The following TMC1 variants were observed in gnomAD, a reference collection of about 807,000 sequenced individuals.
The protein encoded by TMC1 is transmembrane channel like 1.
TMC1 carries 84 observed loss-of-function variants against 105.8 expected under a neutral mutation model. The observed-to-expected ratio is 0.79, with a 90% CI of 0.67 to 0.95. The LOEUF is 0.95. Ranked by LOEUF, TMC1 falls within the 40% of genes least tolerant of loss-of-function variation. The pLI is 0.00. For missense variants in TMC1, 817 were observed against 914.1 expected (o/e 0.89, Z 1.37); for synonymous variants, 315 against 311.5 (o/e 1.01, Z -0.12).
In TMC1 at chr9:72,836,486, T is replaced by C. The variant is rs1829128206; in HGVS notation, c.*513T>C. ...CAATACCTTATTTTCTCTTTTTTTC[T>C]ACCTGTCTCCCCAACCACGCGCCCC... is the stretch of plus-strand genomic sequence containing the variant. On this transcript the variant is annotated 3_prime_UTR_variant, in exon 24 of 24. Transcript: ENST00000297784. The C allele has an allele frequency of 6.3e-6, 1 of 159,974 alleles. No individual in the cohort carries two copies. Among genetic ancestry groups the C allele is most frequent in the African/African-American group, 2.4e-5 (1 of 41,438 alleles). 9.9% of individuals were successfully genotyped at this position (159,974 alleles called of 1,614,324 possible).
At chr9:72,657,069 G>A (rs896367977) in intron 5 of TMC1, among the ~76,000 whole-genome samples, 1 of 152,146 alleles carries the variant, frequency 6.6e-6, no homozygotes, top group African/African-American at 2.4e-5. Flanking sequence ...GCACATAGCG[G>A]TATTCAGCCA....
intron 12 of TMC1, among the ~76,000 whole-genome samples, chr9:72,771,903 T>G (rs1165963309): frequency 6.6e-6 from 1 of 152,166 alleles, no homozygotes; most frequent in Non-Finnish European, 1.5e-5. Flanking sequence ...AGTGTGCAGA[T>G]GAGTTCCAAT....
intron 2 of TMC1, among the ~76,000 whole-genome samples, chr9:72,602,202 A>G (rs1186032321): frequency 6.6e-6 from 1 of 152,004 alleles, no homozygotes; most frequent in Non-Finnish European, 1.5e-5. Context: ...CCTCATGGCA[A>G]TGCTAGGACA....
At chr9:72,633,777 G>A (rs1423294663) in intron 4 of TMC1, among the ~76,000 whole-genome samples, 1 of 152,078 alleles carries the variant, frequency 6.6e-6, no homozygotes, top group Non-Finnish European at 1.5e-5. Context: ...AATGTGTGGA[G>A]GTTTTTCTAC....
At chr9:72,787,731 T>C (rs1828193229) in intron 13 of TMC1, among the ~76,000 whole-genome samples, 1 of 151,904 alleles carries the variant, frequency 6.6e-6, no homozygotes, top group African/African-American at 2.4e-5. Context: ...TATATATACA[T>C]ATAAAACCAC....
At chr9:72,602,627 G>A (rs190438088) in intron 2 of TMC1, among the ~76,000 whole-genome samples, 10 of 152,004 alleles carry the variant, frequency 6.6e-5, no homozygotes, top group African/African-American at 2.4e-4. Flanking sequence ...CATCCGCCTC[G>A]GCCTCCCAAA....
intron 4 of TMC1, among the ~76,000 whole-genome samples, chr9:72,644,785 G>A (rs1315359252): frequency 6.6e-6 from 1 of 152,078 alleles, no homozygotes; most frequent in African/African-American, 2.4e-5. Context: ...CAAAAGGTAT[G>A]GAATTTTAAA....
chr9:72,740,342 G>A (rs1031345514), intron 9 of TMC1, 133 bp downstream of exon 9: 1 of 668,154 alleles, frequency 1.5e-6, no homozygotes, highest in Non-Finnish European at 2.5e-6. Flanking sequence ...TATATACACA[G>A]TATATCTGTG....
intron 13 of TMC1, among the ~76,000 whole-genome samples, chr9:72,782,309 C>A (rs1828105902): frequency 6.6e-6 from 1 of 152,078 alleles, no homozygotes; most frequent in African/African-American, 2.4e-5. Flanking sequence ...AAGGAACATA[C>A]CTCAAAATAA....
At chr9:72,804,505 C>T (rs552411061) in intron 17 of TMC1, among the ~76,000 whole-genome samples, 27 of 152,298 alleles carry the variant, frequency 1.8e-4, no homozygotes, top group Admixed American at 3.9e-4. Context: ...TACCATTGTG[C>T]AGACATTTAA....
chr9:72,766,993 G>A (rs1210145478), intron 12 of TMC1, among the ~76,000 whole-genome samples: 1 of 152,194 alleles, frequency 6.6e-6, no homozygotes, highest in African/African-American at 2.4e-5. Flanking sequence ...TGTGACGTTA[G>A]TTGAGGTTTA....
At chr9:72,633,262 A>G (rs1425446719) in intron 4 of TMC1, among the ~76,000 whole-genome samples, 1 of 152,160 alleles carries the variant, frequency 6.6e-6, no homozygotes, top group Non-Finnish European at 1.5e-5. Flanking sequence ...TAGAAAATGT[A>G]TTTTTGTTAA....
At chr9:72,692,737 C>T (rs1218236109) in intron 6 of TMC1, among the ~76,000 whole-genome samples, 1 of 152,060 alleles carries the variant, frequency 6.6e-6, no homozygotes, top group African/African-American at 2.4e-5. Context: ...GTTCAAATAA[C>T]ATACATTTGC....
At position 72,838,171 on chromosome 9, in the gene TMC1, T is replaced by C. The variant is rs997354274; in HGVS notation, c.*2198T>C. ...AATTGTGTTATGAGACAAAAACTTC[T>C]GTTACCTGCATGAAAACATTTTACT... On this transcript the variant is annotated 3_prime_UTR_variant, in exon 24 of 24. Transcript: ENST00000297784. 31 of 152,248 alleles carry C rather than the reference T, an allele frequency of 2.0e-4. No homozygotes were observed. Among genetic ancestry groups the C allele is most frequent in the African/African-American group, 7.0e-4 (29 of 41,466 alleles). The allele number at this position is 152,248 out of a possible 1,614,324, so 9.4% of individuals were successfully genotyped here. A position where few individuals can be genotyped will look rare whatever the true frequency, so the allele number is the denominator to read the frequency against.
At position 72,550,028 on chromosome 9, in the gene TMC1, G is replaced by A. The variant is rs928837702; in HGVS notation, c.-427-27874G>A. Among the ~76,000 whole-genome samples the A allele has an allele frequency of 2.6e-5, 4 of 151,948 alleles. 1 individual carries two copies. The highest frequency in any genetic ancestry group is 4.8e-5 in the African/African-American group (2 of 41,396). On this transcript the variant is annotated intron_variant, in intron 1 of 23. Coordinates refer to ENST00000297784, the MANE Select transcript of TMC1 (RefSeq NM_138691.3). ...TTCCCAAAGTGCTAGGATTACAGGC[G>A]TGAGCCACTGTGCCCAGCTCATATT...
intron 12 of TMC1, 152 bp downstream of exon 12, chr9:72,755,036 GAA>G (rs1241286418): frequency 4.5e-5 from 11 of 244,924 alleles, no homozygotes; most frequent in Admixed American, 1.8e-4. Flanking sequence ...AAGAAAGAAA[GAA>G]AGAGAGAGAG....
Position 72,791,891 on chromosome 9 carries a change from C to T in TMC1, c.1230C>T (p.Asn410=), listed in dbSNP as rs1172943259. The change falls in exon 16 of 24, where the codon AAC becomes AAT. Residue 410 remains asparagine (N), a synonymous_variant. Transcript: ENST00000297784. ...TLGWWEKNEM[N]MVMSLLGMFC... Reference sequence around the variant, plus strand: ...TCCCTTGTGCCTCCTTGTAGATGAACATGGTTATGTCCCTCCTAGGGATGT... The same window carrying T: ...TCCCTTGTGCCTCCTTGTAGATGAATATGGTTATGTCCCTCCTAGGGATGT... The T allele has an allele frequency of 4.3e-6, 7 of 1,612,058 alleles. No homozygotes were observed. Among genetic ancestry groups the T allele is most frequent in the Non-Finnish European group, 5.9e-6 (7 of 1,179,600 alleles).
intron 5 of TMC1, among the ~76,000 whole-genome samples, chr9:72,685,941 C>A (rs1826373407): frequency 6.6e-6 from 1 of 152,194 alleles, no homozygotes; most frequent in Admixed American, 6.6e-5. Flanking sequence ...GCATAAACTA[C>A]TTTCAGCATT....
chr9:72,649,773 G>A (rs1825771048), intron 5 of TMC1, among the ~76,000 whole-genome samples: 1 of 152,120 alleles, frequency 6.6e-6, no homozygotes, highest in Non-Finnish European at 1.5e-5. Context: ...TATGGAAGAT[G>A]GTAGATTTCA....
Sources: gnomAD v4.1 joint callset for allele counts (sites outside exome capture counted in the v4.1 genomes callset) on GRCh38, gnomAD v4.1.1 for gene constraint, MANE v1.5 for transcripts, NCBI Gene and HGNC (gene_info 2026-07-23, HGNC 2026-07-21) for gene names.